AHRR: variants seen among roughly 807,000 people sequenced by gnomAD.
AHRR encodes aryl hydrocarbon receptor repressor.
AHRR carries 28 observed loss-of-function variants against 44.0 expected under a neutral mutation model. That is an observed-to-expected ratio of 0.64 (90% CI 0.47 to 0.87). AHRR has a LOEUF of 0.87. Among genes scored for constraint, AHRR ranks in the 40% least tolerant of loss-of-function variants. The pLI is 0.00. For synonymous variants in AHRR, 434 were observed against 407.0 expected, an observed-to-expected ratio of 1.07 and a Z score of -0.80; for missense variants, 990 against 953.9, an observed-to-expected ratio of 1.04 and a Z score of -0.50.
At chr5:423,486 C>T (rs943490882) in intron 6 of AHRR, among the ~76,000 whole-genome samples, 16 of 152,110 alleles carry the variant, frequency 1.1e-4, no homozygotes, top group Admixed American at 6.5e-4. Context: ...CGCACGTATC[C>T]GCAGAAGCCT....
chr5:337,307 C>T lies in AHRR; in HGVS notation c.-10-6586C>T, dbSNP rs2126343865. 6.6e-6 allele frequency among the ~76,000 whole-genome samples: 1 copy of T among 152,260 alleles called. No homozygotes were observed. The highest frequency in any genetic ancestry group is 1.9e-4 in the East Asian group (1 of 5,184). ...CAAATCCCTAACATGCCATTTATTT[C>T]ATATGTGTTTTAATGTGTATGTCTA... On this transcript the variant is annotated intron_variant, in intron 1 of 10. Coordinates refer to ENST00000684583, the MANE Select transcript of AHRR (RefSeq NM_001377236.1). This position sits in a 1 kb window ranked among gnomAD's most constrained non-coding sequence, Gnocchi z 4.1.
intron 1 of AHRR, among the ~76,000 whole-genome samples, chr5:325,203 G>A (rs1423287890): frequency 6.6e-6 from 1 of 152,162 alleles, no homozygotes. Flanking sequence ...CCCCCGACCC[G>A]CTCTTGCCCT....
At position 406,762 on chromosome 5, in the gene AHRR, T is replaced by C. The variant is rs1252134293; in HGVS notation, c.352-6582T>C. 6.6e-6 allele frequency among the ~76,000 whole-genome samples: 1 copy of C among 152,176 alleles called. No individual in the cohort carries two copies. Among genetic ancestry groups the C allele is most frequent in the Non-Finnish European group, 1.5e-5 (1 of 68,030 alleles). On this transcript the variant is annotated intron_variant, in intron 4 of 10. Transcript: ENST00000684583. This position sits in a 1 kb window ranked among gnomAD's most constrained non-coding sequence, Gnocchi z 4.7. ...AACTTCCATCTGTGTTATAAAAGCATGGGCCACTGCAGTCACGGTGATCCA... is the reference window on the plus strand; with the variant it reads ...AACTTCCATCTGTGTTATAAAAGCACGGGCCACTGCAGTCACGGTGATCCA...
chr5:344,948 GGT>G (rs1169560341), intron 2 of AHRR, among the ~76,000 whole-genome samples: 11 of 82,168 alleles, frequency 1.3e-4, no homozygotes, highest in Admixed American at 2.1e-4. Flanking sequence ...GTGTGGGGGG[GGT>G]GTGTGTGTGA....
intron 4 of AHRR, among the ~76,000 whole-genome samples, chr5:390,821 G>A (rs1579655240): frequency 1.3e-5 from 2 of 152,290 alleles, no homozygotes; most frequent in South Asian, 4.1e-4. Context: ...CAGAGACAGA[G>A]ACCTGGATGC....
intron 3 of AHRR, among the ~76,000 whole-genome samples, chr5:375,889 C>A (rs1218701490): frequency 6.6e-6 from 1 of 152,208 alleles, no homozygotes; most frequent in African/African-American, 2.4e-5. Context: ...TCATCTGTCC[C>A]CTTCTGCACC....
intron 4 of AHRR, among the ~76,000 whole-genome samples, chr5:380,314 CT>C (rs930486083): frequency 8.2e-4 from 102 of 124,752 alleles, no homozygotes; most frequent in African/African-American, 2.4e-3. Context: ...TATTCTAGTT[CT>C]TTTTTTTCCA....
chr5:413,330 G>GT lies in AHRR; in HGVS notation c.352-8dup. 5 of 1,538,664 alleles carry GT rather than the reference G, an allele frequency of 3.2e-6. No individual in the cohort carries two copies. The highest frequency in any genetic ancestry group is 4.4e-6 in the Non-Finnish European group (5 of 1,137,690). On this transcript the variant is annotated splice_polypyrimidine_tract_variant and intron_variant, in intron 4 of 10. Coordinates refer to ENST00000684583, the MANE Select transcript of AHRR (RefSeq NM_001377236.1). ...CCAATTCGATTTTTTTTTTTGTTTTGTTTTTTCTTCTAGTCTCTTAATGGC... is the reference window on the plus strand; with the variant it reads ...CCAATTCGATTTTTTTTTTTGTTTTGTTTTTTTCTTCTAGTCTCTTAATGGC...
intron 2 of AHRR, among the ~76,000 whole-genome samples, chr5:349,691 A>G (rs1340009489): frequency 3.3e-5 from 5 of 152,182 alleles, no homozygotes; most frequent in African/African-American, 1.2e-4. Flanking sequence ...ACTACCCCCA[A>G]GGTCTGAAGG....
chr5:345,182 ATG>A (rs370649210), intron 2 of AHRR, among the ~76,000 whole-genome samples: 31 of 868 alleles, frequency 0.036, 5 homozygotes, highest in African/African-American at 0.11. Context: ...GTGTGTGGGG[ATG>A]TGTGTGTGTG....
At chr5:359,282 GTC>G (rs1368490664) in intron 3 of AHRR, among the ~76,000 whole-genome samples, 650 of 40,692 alleles carry the variant, frequency 0.016, 92 homozygotes, top group Non-Finnish European at 0.03. Flanking sequence ...GAGGCCCTCA[GTC>G]ACGGAGTCCA....
At position 370,554 on chromosome 5, in the gene AHRR, G is replaced by A. The variant is rs1743539312; in HGVS notation, c.245-6056G>A. 6.6e-6 allele frequency among the ~76,000 whole-genome samples: 1 copy of A among 152,174 alleles called. No homozygotes were observed. The highest frequency in any genetic ancestry group is 2.1e-4 in the South Asian group (1 of 4,828). On this transcript the variant is annotated intron_variant, in intron 3 of 10. Coordinates refer to ENST00000684583, the MANE Select transcript of AHRR (RefSeq NM_001377236.1). This position sits in a 1 kb window ranked among gnomAD's most constrained non-coding sequence, Gnocchi z 4.5. Reference sequence around the variant, plus strand: ...CCAGGACCCTGAGAGTCTCACAGTGGGTGCAGCCCCAGGCAGGTGGTGGTC... The same window carrying A: ...CCAGGACCCTGAGAGTCTCACAGTGAGTGCAGCCCCAGGCAGGTGGTGGTC...
rs548001924 is a variant in AHRR, at chr5:431,799, T to G, written c.909-664T>G. On this transcript the variant is annotated intron_variant, in intron 8 of 10. Transcript: ENST00000684583. ...ACACCCTGTGCTTTGCAGCCATTCA[T>G]GGACATAGATGGGGCATTGTGAGTC... Among the ~76,000 whole-genome samples, 10 of 152,312 alleles carry G rather than the reference T, an allele frequency of 6.6e-5. 1 individual carries two copies. Among genetic ancestry groups the G allele is most frequent in the Middle Eastern group, 3.4e-3 (1 of 294 alleles).
chr5:403,185 G>A (rs536024653), intron 4 of AHRR, among the ~76,000 whole-genome samples: 20 of 152,294 alleles, frequency 1.3e-4, no homozygotes, highest in African/African-American at 4.6e-4. Flanking sequence ...GCAGAAAGCG[G>A]GTGGGACGTA....
intron 1 of AHRR, among the ~76,000 whole-genome samples, chr5:333,503 G>C (rs1026289344): frequency 4.6e-5 from 7 of 152,156 alleles, no homozygotes; most frequent in African/African-American, 1.7e-4. Flanking sequence ...GGCTGGGGCA[G>C]GAGAGTCACT....
intron 2 of AHRR, among the ~76,000 whole-genome samples, chr5:344,877 GGT>G (rs917314486): frequency 1.4e-5 from 2 of 142,082 alleles, no homozygotes; most frequent in African/African-American, 2.6e-5. Context: ...CAGGTGTGCA[GGT>G]GTGCGAAGCT....
intron 5 of AHRR, among the ~76,000 whole-genome samples, chr5:417,095 G>C (rs373817292): frequency 1.6e-4 from 24 of 146,614 alleles, no homozygotes; most frequent in African/African-American, 6.1e-4. Flanking sequence ...CGCTTGGTCC[G>C]TATGTGCAGG....
chr5:344,991 CTG>C (rs200550379), intron 2 of AHRR, among the ~76,000 whole-genome samples: 853 of 83,638 alleles, frequency 0.01, 15 homozygotes, highest in Non-Finnish European at 0.015. Flanking sequence ...GTGTGTGAGG[CTG>C]TGTGTGGGGA....
intron 1 of AHRR, among the ~76,000 whole-genome samples, chr5:329,806 A>T (rs1378703432): frequency 2.0e-5 from 3 of 152,302 alleles, no homozygotes; most frequent in East Asian, 3.9e-4. Flanking sequence ...TGATTTTTAT[A>T]TGTTGCTTTT....
Sources: allele counts gnomAD v4.1 joint callset (sites outside exome capture counted in the v4.1 genomes callset), GRCh38; gene constraint gnomAD v4.1.1; non-coding constraint Gnocchi (gnomAD v3.1); transcripts MANE v1.5; gene names NCBI Gene and HGNC (gene_info 2026-07-23, HGNC 2026-07-21).